Variants in WDR41 observed in about 807,000 individuals in gnomAD.
WDR41 encodes the protein WD repeat domain 41.
In WDR41, 63 loss-of-function variants were observed where a neutral mutation model predicts 69.3. That is an observed-to-expected ratio of 0.91 (90% CI 0.74 to 1.12). WDR41 has a LOEUF of 1.12. WDR41 is among the 50% of genes most tolerant of loss of function. WDR41 has a pLI of 0.00. For missense variants in WDR41, 543 were observed against 534.5 expected, an observed-to-expected ratio of 1.02 and a Z score of -0.16; for synonymous variants, 185 against 192.1, an observed-to-expected ratio of 0.96 and a Z score of 0.31.
At chr5:77,528,926 A>G (rs1802485741) in intron 1 of WDR41, among the ~76,000 whole-genome samples, 2 of 151,606 alleles carry the variant, frequency 1.3e-5, no homozygotes, top group African/African-American at 4.8e-5. Flanking sequence ...AACCTATAGC[A>G]TTATACTTAA....
chr5:77,436,216 C>A, intron 12 of WDR41, 45 bp downstream of exon 12: 1 of 1,584,396 alleles, frequency 6.3e-7, no homozygotes, highest in Non-Finnish European at 8.6e-7. Flanking sequence ...CAATGAAATG[C>A]AAAAGCAGGA....
chr5:77,505,316 A>G, intron 1 of WDR41, among the ~76,000 whole-genome samples: 1 of 152,212 alleles, frequency 6.6e-6, no homozygotes, highest in East Asian at 1.9e-4. Flanking sequence ...AATCCAACTT[A>G]CAAGGGATGT....
upstream of WDR41, among the ~76,000 whole-genome samples, chr5:77,497,040 C>G (rs1442264162): frequency 6.6e-6 from 1 of 152,122 alleles, no homozygotes; most frequent in East Asian, 1.9e-4. Context: ...AACTGGATCT[C>G]TACACATAAA....
chr5:77,582,907 T>C, intron 1 of WDR41: 4 of 1,609,114 alleles, frequency 2.5e-6, no homozygotes, highest in East Asian at 2.2e-5. Flanking sequence ...GATTGCTCGA[T>C]CTCTTGGTAA....
chr5:77,479,461 G>A (rs890203116), intron 2 of WDR41, among the ~76,000 whole-genome samples: 10 of 152,042 alleles, frequency 6.6e-5, no homozygotes, highest in Admixed American at 4.6e-4. Flanking sequence ...CATGGTACTG[G>A]TACCAAAACA....
intron 2 of WDR41, among the ~76,000 whole-genome samples, chr5:77,485,607 CAGTTT>C (rs777530094): frequency 1.6e-4 from 24 of 152,144 alleles, no homozygotes; most frequent in African/African-American, 4.8e-4. Flanking sequence ...GTTATGAACT[CAGTTT>C]AGTTTAATGT....
intron 1 of WDR41, among the ~76,000 whole-genome samples, chr5:77,548,111 T>A (rs1341876276): frequency 5.9e-5 from 9 of 152,138 alleles, no homozygotes; most frequent in Non-Finnish European, 1.3e-4. Flanking sequence ...TCCTCATATC[T>A]CACCTTATAC....
At chr5:77,533,312 T>C (rs1191350414) in intron 1 of WDR41, among the ~76,000 whole-genome samples, 2 of 152,176 alleles carry the variant, frequency 1.3e-5, no homozygotes, top group African/African-American at 4.8e-5. Context: ...GAAAAGGAAC[T>C]AATAAGTAAA....
chr5:77,513,295 G>T (rs1302590253), intron 1 of WDR41, among the ~76,000 whole-genome samples: 1 of 152,154 alleles, frequency 6.6e-6, no homozygotes, highest in Non-Finnish European at 1.5e-5. Flanking sequence ...ACCTGCCAAT[G>T]AAACTTGAAT....
intron 1 of WDR41, among the ~76,000 whole-genome samples, chr5:77,606,196 A>G (rs1229766726): frequency 2.0e-5 from 3 of 152,158 alleles, no homozygotes; most frequent in African/African-American, 4.8e-5. Flanking sequence ...AGTTCCTCGA[A>G]GACAGAGATT....
intron 1 of WDR41, chr5:77,620,344 CTT>C (rs1744758075): frequency 2.7e-6 from 1 of 372,666 alleles, no homozygotes. Flanking sequence ...CTGTAAGTCT[CTT>C]TAGTCAAAAT....
chr5:77,484,890 T>C (rs1581759386), intron 2 of WDR41, among the ~76,000 whole-genome samples: 1 of 152,188 alleles, frequency 6.6e-6, no homozygotes, highest in East Asian at 1.9e-4. Context: ...GCCAAAGTTA[T>C]ACTAGCTCAA....
chr5:77,474,637 T>C lies in WDR41; in HGVS notation c.168-9828A>G, dbSNP rs1800809766. On this transcript the variant is annotated intron_variant, in intron 2 of 12. Coordinates refer to ENST00000296679, the MANE Select transcript of WDR41 (RefSeq NM_018268.4). ...AATTTCTTTTCCTTAAAAAAGAATG[T>C]ATTATATTAACATGACTCTAACATC... Among the ~76,000 whole-genome samples, 4 of 152,290 alleles carry C rather than the reference T, an allele frequency of 2.6e-5. No individual in the cohort carries two copies. The South Asian group carries it at 8.3e-4, about 32-fold the overall frequency.
chr5:77,455,209 G>C (rs1420137097), intron 5 of WDR41, among the ~76,000 whole-genome samples: 1 of 152,140 alleles, frequency 6.6e-6, no homozygotes, highest in African/African-American at 2.4e-5. Context: ...CTGTGGTTTT[G>C]ACTTGCATTT....
intron 12 of WDR41, among the ~76,000 whole-genome samples, chr5:77,434,329 T>C (rs1798854833): frequency 6.7e-6 from 1 of 149,004 alleles, no homozygotes; most frequent in Non-Finnish European, 1.5e-5. Flanking sequence ...AAAACAAGAG[T>C]TTTCTCTGAA....
At chr5:77,433,627 A>T (rs1798815561) in intron 12 of WDR41, among the ~76,000 whole-genome samples, 1 of 152,178 alleles carries the variant, frequency 6.6e-6, no homozygotes, top group Admixed American at 6.5e-5. Flanking sequence ...AAATGTCTGA[A>T]TTCTAAATTT....
chr5:77,581,720 A>G (rs1010081954), intron 1 of WDR41, among the ~76,000 whole-genome samples: 1 of 152,212 alleles, frequency 6.6e-6, no homozygotes, highest in South Asian at 2.1e-4. Context: ...TCACAAATAC[A>G]TGGAAATAAA....
intron 1 of WDR41, among the ~76,000 whole-genome samples, chr5:77,595,205 A>T (rs1561234394): frequency 6.6e-6 from 1 of 152,214 alleles, no homozygotes; most frequent in Non-Finnish European, 1.5e-5. Flanking sequence ...TCTGTGTACT[A>T]AATTAGATCA....
chr5:77,533,401 T>G (rs1742901681), intron 1 of WDR41, among the ~76,000 whole-genome samples: 1 of 152,110 alleles, frequency 6.6e-6, no homozygotes, highest in South Asian at 2.1e-4. Context: ...CATGGATTGG[T>G]TTTTTAATAG....
Sources: gnomAD v4.1 joint callset for allele counts (sites outside exome capture counted in the v4.1 genomes callset) on GRCh38, gnomAD v4.1.1 for gene constraint, MANE v1.5 for transcripts, NCBI Gene and HGNC (gene_info 2026-07-23, HGNC 2026-07-21) for gene names.